The following GALNTL6 variants were observed in gnomAD, a reference collection of about 807,000 sequenced individuals.
GALNTL6 encodes the protein polypeptide N-acetylgalactosaminyltransferase-like 6.
Under a neutral mutation model 73.7 loss-of-function variants are expected in GALNTL6, and 46 were observed. The ratio of observed to expected loss-of-function variants is 0.62; its 90% confidence interval spans 0.49 to 0.80. GALNTL6 has a LOEUF of 0.80. GALNTL6 is among the 30% of genes least tolerant of loss of function. GALNTL6 has a pLI of 0.00. For synonymous variants in GALNTL6, 259 were observed against 263.7 expected (o/e 0.98, Z 0.17); for missense variants, 604 against 755.0 (o/e 0.80, Z 2.34).
intron 5 of GALNTL6, among the ~76,000 whole-genome samples, chr4:172,415,672 C>T (rs1432155341): frequency 1.3e-5 from 2 of 152,100 alleles, no homozygotes; most frequent in African/African-American, 4.8e-5. Flanking sequence ...GGAGCATCCG[C>T]GGACTCACGT....
At chr4:172,005,678 T>C (rs1301177140) in intron 2 of GALNTL6, among the ~76,000 whole-genome samples, 1 of 152,124 alleles carries the variant, frequency 6.6e-6, no homozygotes, top group East Asian at 1.9e-4. Context: ...ATAAGGAACA[T>C]GGTCTAAGCT....
chr4:172,364,123 A>G lies in GALNTL6; in HGVS notation c.553+15434A>G, dbSNP rs12647090. 2.0e-4 allele frequency among the ~76,000 whole-genome samples: 30 copies of G among 152,276 alleles called. No homozygotes were observed. The East Asian group carries it at 5.4e-3, about 27-fold the overall frequency. ...ATTTCAATAAAGCAGACCTTGATAG[A>G]TTTAGTAAAATTAGGACTGGGCATG... On this transcript the variant is annotated intron_variant, in intron 5 of 12. Coordinates refer to ENST00000506823, the MANE Select transcript of GALNTL6 (RefSeq NM_001034845.3).
intron 5 of GALNTL6, among the ~76,000 whole-genome samples, chr4:172,390,278 G>T (rs977810381): frequency 6.6e-6 from 1 of 152,096 alleles, no homozygotes; most frequent in African/African-American, 2.4e-5. Flanking sequence ...ACCATGGATT[G>T]TTTATGAAAT....
chr4:172,792,193 C>T (rs1349980855), intron 5 of GALNTL6, among the ~76,000 whole-genome samples: 2 of 152,064 alleles, frequency 1.3e-5, no homozygotes, highest in Admixed American at 1.3e-4. Context: ...TTTCTTAATA[C>T]AAAATGAGCG....
intron 2 of GALNTL6, among the ~76,000 whole-genome samples, chr4:171,920,948 T>C (rs1737766111): frequency 6.6e-6 from 1 of 152,184 alleles, no homozygotes; most frequent in Non-Finnish European, 1.5e-5. Context: ...AGTTGTATTG[T>C]ATGCGCATTG....
At chr4:172,217,049 G>A (rs898620731) in intron 2 of GALNTL6, among the ~76,000 whole-genome samples, 4 of 152,160 alleles carry the variant, frequency 2.6e-5, no homozygotes, top group African/African-American at 9.7e-5. Flanking sequence ...AGATTGCTGA[G>A]ACCAGGAGGC....
rs527371130 is a variant in GALNTL6, at chr4:171,870,814, T to C, written c.138+56096T>C. Among the ~76,000 whole-genome samples, 52 of 152,272 alleles carry C rather than the reference T, an allele frequency of 3.4e-4. No homozygotes were observed. The South Asian group carries it at 0.011, about 31-fold the overall frequency. On this transcript the variant is annotated intron_variant, in intron 2 of 12. Coordinates refer to ENST00000506823, the MANE Select transcript of GALNTL6 (RefSeq NM_001034845.3). ...CAGTTATGCAGCTATAAGCCAAGGA[T>C]CTTCTAGAGCCTAGGAGGGAGGCTT...
At chr4:171,925,493 G>A (rs888737857) in intron 2 of GALNTL6, among the ~76,000 whole-genome samples, 1 of 152,080 alleles carries the variant, frequency 6.6e-6, no homozygotes, top group Non-Finnish European at 1.5e-5. Flanking sequence ...TAGAATTTGG[G>A]GAAAAAACTA....
chr4:172,778,608 G>A (rs971916587), intron 5 of GALNTL6, among the ~76,000 whole-genome samples: 1 of 152,152 alleles, frequency 6.6e-6, no homozygotes, highest in South Asian at 2.1e-4. Context: ...AAATATTTCC[G>A]AATATGACTT....
intron 5 of GALNTL6, among the ~76,000 whole-genome samples, chr4:172,807,690 C>A (rs561448397): frequency 3.9e-5 from 6 of 152,316 alleles, no homozygotes; most frequent in African/African-American, 7.2e-5. Flanking sequence ...GATTCCAACC[C>A]TGGAAAAAGA....
At chr4:172,010,471 A>C (rs1173828720) in intron 2 of GALNTL6, among the ~76,000 whole-genome samples, 2 of 152,096 alleles carry the variant, frequency 1.3e-5, no homozygotes, top group Non-Finnish European at 1.5e-5. Flanking sequence ...GAATTGGGGC[A>C]GTACATTTAT....
intron 4 of GALNTL6, among the ~76,000 whole-genome samples, chr4:172,333,014 T>C (rs946961619): frequency 6.6e-6 from 1 of 152,194 alleles, no homozygotes; most frequent in African/African-American, 2.4e-5. Context: ...GGTAAGTTGT[T>C]ACCTCATTGT....
At chr4:172,525,174 G>T (rs1006433215) in intron 5 of GALNTL6, among the ~76,000 whole-genome samples, 1 of 152,090 alleles carries the variant, frequency 6.6e-6, no homozygotes, top group Non-Finnish European at 1.5e-5. Flanking sequence ...AAGAAATATT[G>T]CTGTTGGATA....
At chr4:172,906,112 T>A (rs1276422414) in intron 8 of GALNTL6, among the ~76,000 whole-genome samples, 1 of 152,162 alleles carries the variant, frequency 6.6e-6, no homozygotes, top group Non-Finnish European at 1.5e-5. Context: ...TTCCCCTGGA[T>A]GAGTTTGGCA....
chr4:172,869,679 A>C (rs530684063), intron 7 of GALNTL6, among the ~76,000 whole-genome samples: 1 of 152,292 alleles, frequency 6.6e-6, no homozygotes, highest in South Asian at 2.1e-4. Flanking sequence ...AAAAGACTAT[A>C]GTATATTTCC....
chr4:172,967,811 C>T (rs1488574021), intron 10 of GALNTL6, among the ~76,000 whole-genome samples: 1 of 152,102 alleles, frequency 6.6e-6, no homozygotes, highest in Non-Finnish European at 1.5e-5. Context: ...GGGTTTGATA[C>T]TATCTGTGGT....
chr4:172,824,467 A>G (rs761996849), intron 7 of GALNTL6, among the ~76,000 whole-genome samples: 2 of 151,788 alleles, frequency 1.3e-5, no homozygotes, highest in Non-Finnish European at 2.9e-5. Context: ...GGTTATTTAT[A>G]TATATTTATA....
chr4:172,236,933 G>C (rs1231334706), intron 3 of GALNTL6, among the ~76,000 whole-genome samples: 1 of 152,068 alleles, frequency 6.6e-6, no homozygotes. Flanking sequence ...TGTACTCAAC[G>C]TTTAGTTCTC....
At chr4:172,017,355 G>A (rs1207682519) in intron 2 of GALNTL6, among the ~76,000 whole-genome samples, 1 of 152,072 alleles carries the variant, frequency 6.6e-6, no homozygotes, top group Non-Finnish European at 1.5e-5. Flanking sequence ...GAGTGGGGAG[G>A]GATTGTGACT....
Sources: allele counts gnomAD v4.1 joint callset (sites outside exome capture counted in the v4.1 genomes callset), GRCh38; gene constraint gnomAD v4.1.1; transcripts MANE v1.5; gene names NCBI Gene and HGNC (gene_info 2026-07-23, HGNC 2026-07-21).